CCNY: variants seen among roughly 807,000 people sequenced by gnomAD.
CCNY encodes the protein cyclin Y.
A neutral mutation model predicts 42.8 loss-of-function variants in CCNY; 19 were observed. The observed-to-expected ratio is 0.44, with a 90% CI of 0.31 to 0.65. CCNY has a LOEUF of 0.65. Ranked by LOEUF, CCNY falls within the 30% of genes least tolerant of loss-of-function variation. CCNY has a pLI of 0.07. For synonymous variants in CCNY, 165 were observed against 162.7 expected (o/e 1.01, Z -0.11); for missense variants, 370 against 437.3 (o/e 0.85, Z 1.37).
chr10:35,331,919 C>T (rs1310938316), upstream of CCNY, among the ~76,000 whole-genome samples: 1 of 152,212 alleles, frequency 6.6e-6, no homozygotes, highest in African/African-American at 2.4e-5. Context: ...GTTTAACTTA[C>T]TGGACTGTGA....
intron 1 of CCNY, among the ~76,000 whole-genome samples, chr10:35,420,186 A>C (rs1318462335): frequency 1.3e-5 from 2 of 152,218 alleles, no homozygotes; most frequent in African/African-American, 4.8e-5. Context: ...TTCCTAAAGA[A>C]ATCTGGATCA....
intron 3 of CCNY, among the ~76,000 whole-genome samples, chr10:35,266,020 A>C (rs2095724805): frequency 6.6e-6 from 1 of 152,160 alleles, no homozygotes; most frequent in African/African-American, 2.4e-5. Context: ...TGTTATGAAG[A>C]ATAAAAGATG....
chr10:35,511,381 C>T (rs1307882382), intron 3 of CCNY, among the ~76,000 whole-genome samples: 2 of 152,124 alleles, frequency 1.3e-5, no homozygotes, highest in Non-Finnish European at 2.9e-5. Context: ...GGGCATAGAA[C>T]ACACAGAGGG....
Position 35,571,697 on chromosome 10 carries a change from C to G in CCNY, c.*2527C>G, listed in dbSNP as rs532040018. 3 of 152,266 alleles carry G rather than the reference C, an allele frequency of 2.0e-5. No homozygotes were observed. Among genetic ancestry groups the G allele is most frequent in the Non-Finnish European group, 2.9e-5 (2 of 68,012 alleles). The allele number at this position is 152,266 out of a possible 1,614,324, so 9.4% of individuals were successfully genotyped here. ...GTTCAAAGTTTGCCAAAAGAAAACA[C>G]AAAACCAGTACAGTACTTACTGATA... On this transcript the variant is annotated 3_prime_UTR_variant, in exon 10 of 10. Coordinates refer to ENST00000374704, the MANE Select transcript of CCNY (RefSeq NM_145012.6).
chr10:35,467,209 CTA>C (rs921788551), intron 1 of CCNY, among the ~76,000 whole-genome samples: 1 of 152,114 alleles, frequency 6.6e-6, no homozygotes, highest in Non-Finnish European at 1.5e-5. Flanking sequence ...TTTTTATAAT[CTA>C]TATAAGGTCT....
chr10:35,409,932 A>T (rs1837867278), intron 1 of CCNY, among the ~76,000 whole-genome samples: 1 of 152,120 alleles, frequency 6.6e-6, no homozygotes, highest in African/African-American at 2.4e-5. Context: ...TTGTAGAGAC[A>T]GGGTCTTGCT....
At chr10:35,307,948 G>A (rs1301920757) in intron 3 of CCNY, among the ~76,000 whole-genome samples, 5 of 149,784 alleles carry the variant, frequency 3.3e-5, no homozygotes, top group African/African-American at 1.2e-4. Flanking sequence ...CTCCTGACTA[G>A]CTGGGATTAC....
At chr10:35,272,022 C>G (rs1448115734) in intron 3 of CCNY, among the ~76,000 whole-genome samples, 1 of 152,142 alleles carries the variant, frequency 6.6e-6, no homozygotes, top group African/African-American at 2.4e-5. Context: ...TAGACAGAGT[C>G]TCGCTCCAGG....
intron 4 of CCNY, among the ~76,000 whole-genome samples, chr10:35,522,578 A>C (rs1028820273): frequency 6.6e-6 from 1 of 152,150 alleles, no homozygotes. Flanking sequence ...GTATAGATAC[A>C]CGTCTCCCAG....
chr10:35,535,347 A>T (rs970613925), intron 7 of CCNY, among the ~76,000 whole-genome samples: 1 of 152,026 alleles, frequency 6.6e-6, no homozygotes, highest in African/African-American at 2.4e-5. Context: ...CCAGGGAGTG[A>T]TTACACTCAA....
intron 1 of CCNY, among the ~76,000 whole-genome samples, chr10:35,352,177 CAA>C (rs1217711829): frequency 1.3e-5 from 2 of 151,994 alleles, no homozygotes; most frequent in Admixed American, 1.3e-4. Flanking sequence ...TTTCAGAGTT[CAA>C]GAGTGGTGTC....
rs974571526 is a variant in CCNY, at chr10:35,406,135, C to T, written c.154+68928C>T. ...ACCTTGAAAGCGAGGTTAATTAAGT[C>T]CTGTTGTGGGGTTTGAGGGCCAGAG... On this transcript the variant is annotated intron_variant, in intron 1 of 9. Transcript: ENST00000374704. Among the ~76,000 whole-genome samples, 4 of 150,152 alleles carry T rather than the reference C, an allele frequency of 2.7e-5. No homozygotes were observed. The East Asian group carries it at 7.8e-4, about 29-fold the overall frequency.
chr10:35,345,708 C>T (rs1836287829), intron 1 of CCNY, among the ~76,000 whole-genome samples: 1 of 152,182 alleles, frequency 6.6e-6, no homozygotes, highest in Non-Finnish European at 1.5e-5. Context: ...CTAACAAAGA[C>T]ATCAAAGCAG....
intron 3 of CCNY, among the ~76,000 whole-genome samples, chr10:35,280,950 T>A (rs1835293093): frequency 6.6e-6 from 1 of 152,164 alleles, no homozygotes; most frequent in Non-Finnish European, 1.5e-5. Flanking sequence ...TCTGGAGGTA[T>A]TTCTCCGAAG....
intron 3 of CCNY, among the ~76,000 whole-genome samples, chr10:35,280,352 G>GGAAA (rs112469322): frequency 4.6e-5 from 6 of 130,492 alleles, no homozygotes; most frequent in African/African-American, 1.5e-4. Flanking sequence ...AAAGGAAGAA[G>GGAAA]GAAAGAAAGA....
At chr10:35,502,332 A>G (rs1840127437) in intron 3 of CCNY, among the ~76,000 whole-genome samples, 1 of 152,262 alleles carries the variant, frequency 6.6e-6, no homozygotes, top group Non-Finnish European at 1.5e-5. Context: ...TCCTCATTCT[A>G]AAAACAGAAC....
intron 3 of CCNY, among the ~76,000 whole-genome samples, chr10:35,311,915 G>T (rs1835689089): frequency 6.6e-6 from 1 of 152,072 alleles, no homozygotes; most frequent in South Asian, 2.1e-4. Flanking sequence ...GAACTCAGGA[G>T]TTTGTGGCCA....
intron 1 of CCNY, among the ~76,000 whole-genome samples, chr10:35,341,285 C>T (rs1025462133): frequency 6.6e-6 from 1 of 152,188 alleles, no homozygotes; most frequent in Non-Finnish European, 1.5e-5. Flanking sequence ...CCTCCATGTG[C>T]TCTCTTGGCT....
chr10:35,454,209 G>A (rs1331652550), intron 1 of CCNY, among the ~76,000 whole-genome samples: 1 of 152,216 alleles, frequency 6.6e-6, no homozygotes. Context: ...AACTACCAGT[G>A]GTCAAGCTCG....
Sources: gnomAD v4.1 joint callset for allele counts (sites outside exome capture counted in the v4.1 genomes callset) on GRCh38, gnomAD v4.1.1 for gene constraint, MANE v1.5 for transcripts, NCBI Gene and HGNC (gene_info 2026-07-23, HGNC 2026-07-21) for gene names.